The following MAP3K15 variants were observed in gnomAD, a reference collection of about 807,000 sequenced individuals.
MAP3K15 encodes the protein MAPK/ERK kinase kinase 15.
Under a neutral mutation model 99.5 loss-of-function variants are expected in MAP3K15, and 124 were observed. The ratio of observed to expected loss-of-function variants is 1.25; its 90% CI spans 1.08 to 1.45. The LOEUF is 1.45. Among genes scored for constraint, MAP3K15 ranks in the 40% most tolerant of loss-of-function variants. MAP3K15 has a pLI of 0.00. For missense variants in MAP3K15, 1,242 were observed against 1,079.7 expected (o/e 1.15, Z -2.11); for synonymous variants, 494 against 439.6 (o/e 1.12, Z -1.55).
At position 19,419,063 on chromosome X, in the gene MAP3K15, A is replaced by T. The variant is rs1168310700; in HGVS notation, c.1440-3806T>A. ...GCACTAAACATGGAAAGGAACAACC[A>T]GTACCAGCCACTGCAAAAACATGCC... On this transcript the variant is annotated intron_variant, in intron 9 of 28. Transcript: ENST00000338883. Among the ~76,000 whole-genome samples, 326 of 111,956 alleles carry T rather than the reference A, an allele frequency of 2.9e-3. 1 individual carries two copies. Among genetic ancestry groups the T allele is most frequent in the African/African-American group, 0.01 (311 of 30,839 alleles).
intron 6 of MAP3K15, among the ~76,000 whole-genome samples, chrX:19,443,012 C>CTGCGCCCAACCCCATTCAACAAAT (rs2063970538): frequency 5.0e-5 from 4 of 80,422 alleles, no homozygotes; most frequent in African/African-American, 1.8e-4. Flanking sequence ...GCATGAGCCA[C>CTGCGCCCAACCCCATTCAACAAAT]CATGCCCGGC....
chrX:19,361,445 G>A (rs781550393), intron 27 of MAP3K15, 30 bp from the exon 28 acceptor site: 1 of 1,186,245 alleles, frequency 8.4e-7, no homozygotes, highest in Non-Finnish European at 1.1e-6. Flanking sequence ...CTTAAGAGCT[G>A]AGCAGCTGTG....
chrX:19,447,062 T>C (rs1242770688), intron 6 of MAP3K15, among the ~76,000 whole-genome samples: 2 of 110,648 alleles, frequency 1.8e-5, no homozygotes, highest in Non-Finnish European at 3.8e-5. Context: ...ACTATAGTTG[T>C]ACACCACCAC....
At chrX:19,512,143 G>A (rs903670938) in intron 1 of MAP3K15, among the ~76,000 whole-genome samples, 1 of 110,862 alleles carries the variant, frequency 9.0e-6, no homozygotes, top group Non-Finnish European at 1.9e-5. Flanking sequence ...ACAGGGAGGG[G>A]AACATCACAC....
chrX:19,419,345 TC>T (rs2063763180), intron 9 of MAP3K15, among the ~76,000 whole-genome samples: 1 of 109,437 alleles, frequency 9.1e-6, no homozygotes, highest in Admixed American at 9.7e-5. Flanking sequence ...TGGAGGAAGA[TC>T]TACCAAGCAA....
Position 19,374,676 on chromosome X carries a change from A to C in MAP3K15, c.2590-16T>G. The C allele has an allele frequency of 8.3e-7, 1 of 1,199,446 alleles. No homozygotes were observed. The highest frequency in any genetic ancestry group is 3.0e-5 in the East Asian group (1 of 33,697). On this transcript the variant is annotated splice_polypyrimidine_tract_variant and intron_variant, in intron 19 of 28. Transcript: ENST00000338883. ...ACATGCCCACCTGCATTTAAGGGAG[A>C]GGTAACCGATGTGTCAGTGAGGCCT...
intron 12 of MAP3K15, among the ~76,000 whole-genome samples, chrX:19,408,104 AAGTGAGCAG>A (rs2063660293): frequency 8.9e-6 from 1 of 112,074 alleles, no homozygotes; most frequent in Admixed American, 9.5e-5. Context: ...ACTAGATTAT[AAGTGAGCAG>A]GTTTTGAAAA....
intron 9 of MAP3K15, among the ~76,000 whole-genome samples, chrX:19,424,259 TATATATACACAC>T (rs1301385743): frequency 2.1e-4 from 19 of 88,787 alleles, no homozygotes; most frequent in South Asian, 1.0e-3. Flanking sequence ...TATATACACA[TATATATACACAC>T]ATATATACAC....
chrX:19,480,653 TAAAAAAAAAAA>T (rs746641774), intron 3 of MAP3K15, among the ~76,000 whole-genome samples: 1 of 68,459 alleles, frequency 1.5e-5, no homozygotes, highest in Admixed American at 1.7e-4. Flanking sequence ...GGTCTCTACT[TAAAAAAAAAAA>T]AAAAAAAAAA....
intron 19 of MAP3K15, 121 bp from the exon 20 acceptor site, chrX:19,374,781 C>T: frequency 5.1e-6 from 3 of 592,327 alleles, no homozygotes; most frequent in Admixed American, 7.2e-5. Flanking sequence ...TCCATGCCCC[C>T]TTGCAACGTC....
chrX:19,364,124 A>C (rs891768716), intron 25 of MAP3K15, among the ~76,000 whole-genome samples: 6 of 112,218 alleles, frequency 5.3e-5, no homozygotes, highest in Non-Finnish European at 9.4e-5. Context: ...CACTTCTAGG[A>C]AGCACTGGTT....
intron 3 of MAP3K15, among the ~76,000 whole-genome samples, chrX:19,473,318 C>T (rs1219898520): frequency 6.2e-5 from 7 of 112,049 alleles, no homozygotes; most frequent in Non-Finnish European, 1.3e-4. Context: ...TACTTTTGTT[C>T]TTACAAAGAG....
At chrX:19,429,818 G>GAGAC (rs2063866781) in intron 7 of MAP3K15, among the ~76,000 whole-genome samples, 2 of 90,589 alleles carry the variant, frequency 2.2e-5, no homozygotes, top group Non-Finnish European at 4.1e-5. Context: ...GAGAGAGAGA[G>GAGAC]AGAGGAAGCA....
intron 6 of MAP3K15, among the ~76,000 whole-genome samples, chrX:19,451,059 G>A (rs749226834): frequency 9.2e-6 from 1 of 108,980 alleles, no homozygotes; most frequent in South Asian, 4.0e-4. Context: ...GCCGAGGCAG[G>A]TGGATTACTT....
In MAP3K15 at chrX:19,464,400, T is replaced by C. The variant is rs2064151932; in HGVS notation, c.532A>G (p.Ser178Gly). The C allele has an allele frequency of 8.5e-7, 1 of 1,177,996 alleles. No individual in the cohort carries two copies. Among genetic ancestry groups the C allele is most frequent in the African/African-American group, 1.7e-5 (1 of 57,445 alleles). ...DMVTQKNTAS[S>G]GNYYFIPYIV... ...TATGGGATGAAATAATAATTTCCAC[T>C]GGATGCCTGGAAAAAAGAAACAAAG... The change falls in exon 4 of 29, where the codon AGT becomes GGT. Residue 178 changes from serine (S) to glycine (G), a missense_variant. Transcript: ENST00000338883.
At chrX:19,442,434 T>C (rs1216035787) in intron 6 of MAP3K15, among the ~76,000 whole-genome samples, 2 of 111,405 alleles carry the variant, frequency 1.8e-5, no homozygotes, top group South Asian at 3.7e-4. Context: ...AAATTAACTG[T>C]AGCACCCAGA....
At chrX:19,496,946 G>A (rs1163844894) in intron 1 of MAP3K15, 1 of 110,787 alleles carries the variant, frequency 9.0e-6, no homozygotes, top group Non-Finnish European at 1.9e-5. Flanking sequence ...GCTAGATACA[G>A]GGGCCATGTT....
chrX:19,390,728 C>T (rs1252255066), intron 18 of MAP3K15, among the ~76,000 whole-genome samples: 5 of 104,105 alleles, frequency 4.8e-5, no homozygotes, highest in Non-Finnish European at 9.7e-5. Context: ...GAAATGGGGT[C>T]TCACTATGTT....
intron 6 of MAP3K15, among the ~76,000 whole-genome samples, chrX:19,445,483 G>A (rs972631007): frequency 2.0e-4 from 21 of 106,617 alleles, no homozygotes; most frequent in Non-Finnish European, 2.9e-4. Flanking sequence ...TCAGCTACTC[G>A]GGGGGCTGAG....
Sources: gnomAD v4.1 joint callset for allele counts (sites outside exome capture counted in the v4.1 genomes callset) on GRCh38, gnomAD v4.1.1 for gene constraint, MANE v1.5 for transcripts, NCBI Gene and HGNC (gene_info 2026-07-23, HGNC 2026-07-21) for gene names.